Variants in SSH2 observed in about 807,000 individuals in gnomAD.
The protein encoded by SSH2 is slingshot protein phosphatase 2.
In SSH2, 37 loss-of-function variants were observed where a neutral mutation model predicts 135.2. That is an observed-to-expected ratio of 0.27 (90% CI 0.21 to 0.36). The LOEUF is 0.36. SSH2 is among the 10% of genes least tolerant of loss of function. SSH2 has a pLI of 1.00. For missense variants in SSH2, 1,408 were observed against 1,765.3 expected (o/e 0.80, Z 3.63); for synonymous variants, 628 against 646.2 (o/e 0.97, Z 0.43).
At chr17:29,801,892 A>C (rs1464061382) in intron 2 of SSH2, among the ~76,000 whole-genome samples, 2 of 152,238 alleles carry the variant, frequency 1.3e-5, no homozygotes, top group African/African-American at 2.4e-5. Flanking sequence ...TTTTAGCCTT[A>C]CCAGGTTAAA....
chr17:29,743,688 G>A (rs996060532), intron 3 of SSH2, among the ~76,000 whole-genome samples: 13 of 152,112 alleles, frequency 8.5e-5, no homozygotes, highest in African/African-American at 2.7e-4. Flanking sequence ...AATAAAAAAA[G>A]TATGATTAAA....
chr17:29,782,592 G>GA (rs1249623622), intron 3 of SSH2, among the ~76,000 whole-genome samples: 3 of 148,300 alleles, frequency 2.0e-5, no homozygotes, highest in Non-Finnish European at 4.5e-5. Context: ...GTTGTTTTTT[G>GA]TTTTTTTTTC....
chr17:29,775,371 C>T (rs1282556724), intron 3 of SSH2, among the ~76,000 whole-genome samples: 1 of 151,660 alleles, frequency 6.6e-6, no homozygotes, highest in Non-Finnish European at 1.5e-5. Flanking sequence ...TCTCCTCAAC[C>T]TCTGCCTCCC....
At chr17:29,771,794 C>T (rs1022870369) in intron 3 of SSH2, among the ~76,000 whole-genome samples, 1 of 152,186 alleles carries the variant, frequency 6.6e-6, no homozygotes, top group African/African-American at 2.4e-5. Flanking sequence ...GTCAAGTTTC[C>T]AGGCCCTGGC....
At chr17:29,909,992 G>A (rs1231179609) in intron 1 of SSH2, among the ~76,000 whole-genome samples, 4 of 152,126 alleles carry the variant, frequency 2.6e-5, no homozygotes, top group African/African-American at 9.7e-5. Context: ...GTCACCTAGG[G>A]TGGAGTGCAC....
At chr17:29,781,699 C>T (rs1598989236) in intron 3 of SSH2, among the ~76,000 whole-genome samples, 4 of 149,736 alleles carry the variant, frequency 2.7e-5, no homozygotes, top group African/African-American at 7.4e-5. Flanking sequence ...AGGCTGATCT[C>T]GAACTCTTGA....
At chr17:29,701,446 G>A (rs1227397949) in intron 4 of SSH2, among the ~76,000 whole-genome samples, 5 of 125,424 alleles carry the variant, frequency 4.0e-5, no homozygotes, top group Non-Finnish European at 7.9e-5. Context: ...GTCCCACTCT[G>A]TCACCAAGGC....
chr17:29,636,331 C>T lies in SSH2; in HGVS notation c.1899G>A (p.Met633Ile). 10 of 1,614,180 alleles carry T rather than the reference C, an allele frequency of 6.2e-6. No individual in the cohort carries two copies. Among genetic ancestry groups the T allele is most frequent in the Non-Finnish European group, 8.5e-6 (10 of 1,180,038 alleles). ...CTTCCATAGGCAGTAGGTGGACATTCATGTCTGCTTTCAGTGCATCTGTCT... is the reference window on the plus strand; with the variant it reads ...CTTCCATAGGCAGTAGGTGGACATTTATGTCTGCTTTCAGTGCATCTGTCT... ...DLETDALKAD[M>I]NVHLLPMEEL... Residue 633 changes from methionine (M) to isoleucine (I), a missense_variant, in exon 15 of 16, where the codon ATG becomes ATA. Coordinates refer to ENST00000540801, the MANE Select transcript of SSH2 (RefSeq NM_001282129.2).
At chr17:29,751,128 A>G (rs1169286635) in intron 3 of SSH2, among the ~76,000 whole-genome samples, 1 of 151,334 alleles carries the variant, frequency 6.6e-6, no homozygotes, top group Non-Finnish European at 1.5e-5. Context: ...TAGAGAGTAC[A>G]CTGTAGGCCA....
At chr17:29,696,174 T>C (rs3115084) in intron 4 of SSH2, among the ~76,000 whole-genome samples, 16,829 of 136,910 alleles carry the variant, frequency 0.12, 1,084 homozygotes, top group Admixed American at 0.19. Context: ...TGTATATATA[T>C]ACACACACAC....
chr17:29,678,315 C>T (rs1188160525), intron 6 of SSH2, among the ~76,000 whole-genome samples: 4 of 152,060 alleles, frequency 2.6e-5, no homozygotes, highest in Non-Finnish European at 4.4e-5. Flanking sequence ...AGGCTAGTCT[C>T]GAAGTCCTGA....
chr17:29,901,714 C>T (rs1369034736), intron 1 of SSH2, among the ~76,000 whole-genome samples: 2 of 151,812 alleles, frequency 1.3e-5, no homozygotes, highest in Admixed American at 6.6e-5. Context: ...CTCCCTCCCT[C>T]CTTCCTTTTC....
intron 6 of SSH2, among the ~76,000 whole-genome samples, chr17:29,683,068 C>T (rs1275933685): frequency 1.3e-5 from 2 of 152,132 alleles, no homozygotes; most frequent in South Asian, 2.1e-4. Context: ...TTCCCCTCAA[C>T]ATCAGGAAAA....
chr17:29,828,739 A>C (rs56328028), intron 2 of SSH2, among the ~76,000 whole-genome samples: 2,641 of 152,310 alleles, frequency 0.017, 79 homozygotes, highest in African/African-American at 0.06. Flanking sequence ...AATACTATCA[A>C]CAATTAACCT....
At chr17:29,770,341 T>C (rs569855531) in intron 3 of SSH2, among the ~76,000 whole-genome samples, 5 of 152,242 alleles carry the variant, frequency 3.3e-5, no homozygotes, top group Non-Finnish European at 5.9e-5. Flanking sequence ...ACTCCTGACC[T>C]CCAGTGATCT....
At chr17:29,831,769 G>A (rs1436699369) in intron 2 of SSH2, among the ~76,000 whole-genome samples, 4 of 151,562 alleles carry the variant, frequency 2.6e-5, no homozygotes, top group East Asian at 3.9e-4. Flanking sequence ...TGGTAGAGAC[G>A]GGGTTTCGCC....
chr17:29,801,883 T>G (rs1205254116), intron 2 of SSH2, among the ~76,000 whole-genome samples: 1 of 152,200 alleles, frequency 6.6e-6, no homozygotes, highest in Non-Finnish European at 1.5e-5. Context: ...CCAGTTACAT[T>G]TTAGCCTTAC....
chr17:29,776,813 A>G (rs2041712110), intron 3 of SSH2: 2 of 152,252 alleles, frequency 1.3e-5, no homozygotes, highest in Non-Finnish European at 2.9e-5. Flanking sequence ...GCCTTTTAAA[A>G]TGGATTAACT....
chr17:29,896,449 A>G (rs1046091836), intron 1 of SSH2, among the ~76,000 whole-genome samples: 5 of 149,384 alleles, frequency 3.3e-5, no homozygotes, highest in African/African-American at 1.2e-4. Context: ...TATATTTTAT[A>G]AAAATATTGC....
Sources: gnomAD v4.1 joint callset for allele counts (sites outside exome capture counted in the v4.1 genomes callset) on GRCh38, gnomAD v4.1.1 for gene constraint, MANE v1.5 for transcripts, NCBI Gene and HGNC (gene_info 2026-07-23, HGNC 2026-07-21) for gene names.